Variants in TPD52 observed in about 807,000 individuals in gnomAD.
TPD52 encodes prostate and colon associated protein.
In TPD52, 17 loss-of-function variants were observed where a neutral mutation model predicts 31.3. The observed-to-expected ratio is 0.54, with a 90% CI of 0.37 to 0.82. The LOEUF is 0.82. Ranked by LOEUF, TPD52 falls within the 40% of genes least tolerant of loss-of-function variation. The probability of loss-of-function intolerance (pLI) is 0.00; values close to 1 mark genes in which losing one functional copy is unlikely to be tolerated. For missense variants in TPD52, 212 were observed against 240.1 expected (o/e 0.88, Z 0.77); for synonymous variants, 83 against 89.6 (o/e 0.93, Z 0.42).
At chr8:80,114,775 G>A (rs563658241) in intron 1 of TPD52, among the ~76,000 whole-genome samples, 11 of 152,202 alleles carry the variant, frequency 7.2e-5, no homozygotes, top group South Asian at 6.2e-4. Flanking sequence ...ATCTATCAAC[G>A]TGATGCCTAT....
rs4740121 is a variant in TPD52 at position 80,146,741 on chromosome 8, T to A, written c.19+24684A>T. Among the ~76,000 whole-genome samples, 39 of 152,190 alleles carry A rather than the reference T, an allele frequency of 2.6e-4. No homozygotes were observed. The South Asian group carries it at 8.1e-3, about 32-fold the overall frequency. ...TTAATAGAATTAAGGCACATTTATA[T>A]GTGGGTACACTATGTAGCAGTTAAA... On this transcript the variant is annotated intron_variant, in intron 1 of 7. Transcript: ENST00000518937.
At chr8:80,125,000 A>T (rs954055105) in intron 1 of TPD52, among the ~76,000 whole-genome samples, 1 of 152,206 alleles carries the variant, frequency 6.6e-6, no homozygotes, top group African/African-American at 2.4e-5. Flanking sequence ...CATCATTATC[A>T]CCCAGTCAGC....
intron 1 of TPD52, among the ~76,000 whole-genome samples, chr8:80,072,456 T>C (rs1385021677): frequency 6.1e-5 from 2 of 32,814 alleles, no homozygotes; most frequent in African/African-American, 3.2e-4. Context: ...CATGTACACA[T>C]AGATATGCGT....
chr8:80,136,063 C>T lies in TPD52; in HGVS notation c.19+35362G>A, dbSNP rs1302140004. Reference sequence around the variant, plus strand: ...CGAGTTAGTGGGTGCAGCGCACCAGCATGGCACATGTATACATATGTAACT... The same window carrying T: ...CGAGTTAGTGGGTGCAGCGCACCAGTATGGCACATGTATACATATGTAACT... On this transcript the variant is annotated intron_variant, in intron 1 of 7. Coordinates refer to ENST00000518937, the MANE Select transcript of TPD52 (RefSeq NM_001025253.3). Among the ~76,000 whole-genome samples the T allele has an allele frequency of 2.2e-5, 3 of 136,754 alleles. No homozygotes were observed. In the Admixed American group the frequency reaches 2.3e-4, roughly 10 times the overall value. The allele number at this position is 136,754 out of a possible 152,430, so 89.7% of individuals were successfully genotyped here.
chr8:80,048,989 A>C (rs1241245255), intron 5 of TPD52, among the ~76,000 whole-genome samples: 1 of 152,226 alleles, frequency 6.6e-6, no homozygotes, highest in Non-Finnish European at 1.5e-5. Flanking sequence ...TTTGTTGCTG[A>C]TGAATTAATA....
At chr8:80,124,476 C>T (rs899821880) in intron 1 of TPD52, among the ~76,000 whole-genome samples, 1 of 152,054 alleles carries the variant, frequency 6.6e-6, no homozygotes, top group Non-Finnish European at 1.5e-5. Flanking sequence ...CCCAGCCTGG[C>T]AAGTTTCATA....
At chr8:80,077,058 C>T (rs1319811557) in intron 1 of TPD52, among the ~76,000 whole-genome samples, 2 of 151,890 alleles carry the variant, frequency 1.3e-5, no homozygotes, top group East Asian at 1.9e-4. Flanking sequence ...AGGCGGATCA[C>T]GAGGTCAGGA....
At chr8:80,032,152 C>CAA (rs150988844), downstream of TPD52, among the ~76,000 whole-genome samples, 235 of 55,560 alleles carry the variant, frequency 4.2e-3, 1 homozygote, top group Middle Eastern at 8.8e-3. Flanking sequence ...GACTCCAGCT[C>CAA]AAAAAAAAAA....
intron 1 of TPD52, among the ~76,000 whole-genome samples, chr8:80,128,482 A>G (rs1250883581): frequency 9.7e-6 from 1 of 102,762 alleles, no homozygotes; most frequent in Non-Finnish European, 1.8e-5. Context: ...ACACAAGGAG[A>G]CCCTGTCTCT....
At chr8:80,156,585 T>C (rs1359018687) in intron 1 of TPD52, among the ~76,000 whole-genome samples, 3 of 152,146 alleles carry the variant, frequency 2.0e-5, no homozygotes, top group African/African-American at 7.2e-5. Flanking sequence ...CTGGGCAGGA[T>C]ATCAAGGTTT....
At chr8:80,061,457 T>C (rs574803191) in intron 2 of TPD52, among the ~76,000 whole-genome samples, 66 of 143,942 alleles carry the variant, frequency 4.6e-4, no homozygotes, top group South Asian at 4.1e-3. Context: ...ATCCCAGCAC[T>C]TTGAGAGGCC....
At chr8:80,059,563 G>T (rs1586183523) in intron 2 of TPD52, among the ~76,000 whole-genome samples, 1 of 152,060 alleles carries the variant, frequency 6.6e-6, no homozygotes, top group East Asian at 1.9e-4. Flanking sequence ...TTAAAAAAAA[G>T]AAAAAGACAG....
At chr8:80,167,325 A>C (rs1164943843) in intron 1 of TPD52, among the ~76,000 whole-genome samples, 3 of 152,252 alleles carry the variant, frequency 2.0e-5, no homozygotes, top group African/African-American at 7.2e-5. Flanking sequence ...GTAGCACAGA[A>C]GTTCCAGGGA....
At chr8:80,102,960 T>C (rs1198142156) in intron 1 of TPD52, among the ~76,000 whole-genome samples, 2 of 152,166 alleles carry the variant, frequency 1.3e-5, no homozygotes, top group African/African-American at 4.8e-5. Context: ...GCTGAACCCA[T>C]GGACGTTCCT....
At chr8:80,040,022 G>C (rs1024690043) in intron 7 of TPD52, among the ~76,000 whole-genome samples, 3 of 151,794 alleles carry the variant, frequency 2.0e-5, no homozygotes, top group Non-Finnish European at 4.4e-5. Flanking sequence ...TGATTGACTG[G>C]CACATGGCAA....
intron 1 of TPD52, among the ~76,000 whole-genome samples, chr8:80,142,585 C>T (rs777467017): frequency 1.3e-5 from 2 of 149,376 alleles, no homozygotes; most frequent in Non-Finnish European, 3.0e-5. Context: ...AACTGTAGTC[C>T]CAGCTACTCA....
At chr8:80,049,274 T>C (rs1324424725) in intron 5 of TPD52, among the ~76,000 whole-genome samples, 1 of 152,226 alleles carries the variant, frequency 6.6e-6, no homozygotes, top group African/African-American at 2.4e-5. Context: ...GCGTTCTTTA[T>C]GGTTATGCCC....
chr8:80,140,033 A>G (rs1299405889), intron 1 of TPD52, among the ~76,000 whole-genome samples: 1 of 152,244 alleles, frequency 6.6e-6, no homozygotes, highest in Non-Finnish European at 1.5e-5. Context: ...TGCTCTCAAC[A>G]TAATAAAGCA....
In TPD52 at chr8:80,154,699, C is replaced by A. The variant is rs1810806071; in HGVS notation, c.19+16726G>T. On this transcript the variant is annotated intron_variant, in intron 1 of 7. Transcript: ENST00000518937. ...AAAATGTTTCTTCTATGCTTTGAAT[C>A]ATGACATACACACACACACACACAC... Among the ~76,000 whole-genome samples, 3 of 120,808 alleles carry A rather than the reference C, an allele frequency of 2.5e-5. No individual in the cohort carries two copies. In the South Asian group the frequency reaches 8.1e-4, roughly 33 times the overall value. 79.3% of individuals were successfully genotyped at this position (120,808 alleles called of 152,430 possible). A position where few individuals can be genotyped will look rare whatever the true frequency, so the allele number is the denominator to read the frequency against.
Sources: allele counts gnomAD v4.1 joint callset (sites outside exome capture counted in the v4.1 genomes callset), GRCh38; gene constraint gnomAD v4.1.1; transcripts MANE v1.5; gene names NCBI Gene and HGNC (gene_info 2026-07-23, HGNC 2026-07-21).